The following PPM1F variants were observed in gnomAD, a reference collection of about 807,000 sequenced individuals.
PPM1F encodes protein phosphatase 1F.
A neutral mutation model predicts 35.5 loss-of-function variants in PPM1F; 17 were observed. That is an observed-to-expected ratio of 0.48 (90% CI 0.33 to 0.72). PPM1F has a LOEUF of 0.72. Among genes scored for constraint, PPM1F ranks in the 30% least tolerant of loss-of-function variants. The probability of loss-of-function intolerance (pLI) is 0.02; values close to 1 mark genes in which losing one functional copy is unlikely to be tolerated. For synonymous variants in PPM1F, 241 were observed against 255.5 expected, an observed-to-expected ratio of 0.94 and a Z score of 0.54; for missense variants, 521 against 613.0, an observed-to-expected ratio of 0.85 and a Z score of 1.59.
At chr22:21,928,931 G>A (rs1404303373) in intron 6 of PPM1F, among the ~76,000 whole-genome samples, 1 of 152,142 alleles carries the variant, frequency 6.6e-6, no homozygotes, top group African/African-American at 2.4e-5. Flanking sequence ...TTATCTCACT[G>A]CCTCAACAAA....
At chr22:21,952,701 TC>T (rs1285449884) in intron 1 of PPM1F, 90 bp downstream of exon 1, 1 of 152,454 alleles carries the variant, frequency 6.6e-6, no homozygotes, top group Non-Finnish European at 1.5e-5. Context: ...GGTTCCTCGG[TC>T]CCATTTCACC....
At chr22:21,929,224 AG>A (rs1300964332) in intron 6 of PPM1F, among the ~76,000 whole-genome samples, 1 of 152,128 alleles carries the variant, frequency 6.6e-6, no homozygotes, top group African/African-American at 2.4e-5. Context: ...TCACAGCAGG[AG>A]GGGCCAAGCC....
intron 2 of PPM1F, chr22:21,945,142 C>G (rs1253370465): frequency 1.3e-5 from 2 of 152,292 alleles, no homozygotes; most frequent in Non-Finnish European, 2.9e-5. Flanking sequence ...GCCCCAGCCC[C>G]CTGTGGCTCA....
chr22:21,938,479 T>C lies in PPM1F; in HGVS notation c.355+1053A>G, dbSNP rs1227523523. 4.5e-6 allele frequency: 5 copies of C among 1,109,492 alleles called. No homozygotes were observed. The East Asian group carries it at 4.7e-4, about 104-fold the overall frequency. 68.7% of individuals were successfully genotyped at this position (1,109,492 alleles called of 1,614,324 possible). Reference sequence around the variant, plus strand: ...CGAGGAGGAGAGCGCGGGCACCCACTGATGCTGGCGGCCTCGGGTATTCGC... The same window carrying C: ...CGAGGAGGAGAGCGCGGGCACCCACCGATGCTGGCGGCCTCGGGTATTCGC... On this transcript the variant is annotated intron_variant, in intron 3 of 7. Coordinates refer to ENST00000263212, the MANE Select transcript of PPM1F (RefSeq NM_014634.4).
chr22:21,934,416 T>C (rs904230722), intron 3 of PPM1F, 190 bp from the exon 4 acceptor site: 7 of 576,874 alleles, frequency 1.2e-5, no homozygotes, highest in Middle Eastern at 9.1e-4. Context: ...GTTTGGCAAC[T>C]TGCCCCTTGA....
At position 21,934,200 on chromosome 22, in the gene PPM1F, T is replaced by G; in HGVS notation, c.382A>C (p.Ser128Arg). Residue 128 changes from serine to arginine, a missense_variant, in exon 4 of 8, where the codon AGT becomes CGT. Physicochemically the swap from Ser to Arg is moderately radical, Grantham distance 110. This residue lies in a region of PPM1F where 311 missense variants were observed against 351.5 expected (regional missense o/e 0.88). Coordinates refer to ENST00000263212, the MANE Select transcript of PPM1F (RefSeq NM_014634.4). ...ACTTCCCAAAGGCGGTTAAAGAAAC[T>G]CTGTGCCAGGCTTTGGGCATCCAGC... ...TLLDAQSLAQ[S>R]FFNRLWEVAG... is the part of the protein sequence containing the mutation. 6.3e-7 allele frequency: 1 copy of G among 1,575,056 alleles called. No homozygotes were observed. The highest frequency in any genetic ancestry group is 8.6e-7 in the Non-Finnish European group (1 of 1,159,830).
At chr22:21,933,339 G>C in intron 5 of PPM1F, 52 bp downstream of exon 5, 1 of 1,527,294 alleles carries the variant, frequency 6.5e-7, no homozygotes, top group Non-Finnish European at 8.9e-7. Context: ...GCAGAGGCTG[G>C]GACTCTCACT....
chr22:21,939,885 C>T lies in PPM1F; in HGVS notation c.207-205G>A, dbSNP rs1012781015. Among the ~76,000 whole-genome samples the T allele has an allele frequency of 5.9e-5, 9 of 152,308 alleles. No homozygotes were observed. The highest frequency in any genetic ancestry group is 1.9e-4 in the East Asian group (1 of 5,180). On this transcript the variant is annotated intron_variant, in intron 2 of 7. Transcript: ENST00000263212. This position sits in a 1 kb window ranked among gnomAD's most constrained non-coding sequence, Gnocchi z 5.1. ...GGGAGCTGGACCATACTTGAGCCTG[C>T]GGCTAGTTGGGAGGGGGCTGTTGAT...
At chr22:21,926,346 C>A (rs1205578664) in intron 6 of PPM1F, among the ~76,000 whole-genome samples, 1 of 151,990 alleles carries the variant, frequency 6.6e-6, no homozygotes, top group African/African-American at 2.4e-5. Flanking sequence ...GTTGGCCAGA[C>A]TGGTCTCGAT....
chr22:21,923,479 G>A lies in PPM1F; in HGVS notation c.986-8C>T. 3 of 1,591,732 alleles carry A rather than the reference G, an allele frequency of 1.9e-6. No homozygotes were observed. Among genetic ancestry groups the A allele is most frequent in the Non-Finnish European group, 2.6e-6 (3 of 1,164,776 alleles). On this transcript the variant is annotated splice_polypyrimidine_tract_variant and splice_region_variant and intron_variant, in intron 7 of 7. Coordinates refer to ENST00000263212, the MANE Select transcript of PPM1F (RefSeq NM_014634.4). ...GCTTCTGGAAGACATCCCCTGGACA[G>A]GCGGAGAAGAGCCCGGGTCAGAGGA...
intron 3 of PPM1F, chr22:21,938,554 A>C (rs1449270666): frequency 9.4e-7 from 1 of 1,060,672 alleles, no homozygotes; most frequent in Non-Finnish European, 1.1e-6. Flanking sequence ...GCACGCATGC[A>C]CTAGTAATGC....
Position 21,939,456 on chromosome 22 carries a change from G to A in PPM1F, c.355+76C>T. ...AGCACCCTTAGGGACCCCAATCAATGGGCTTCCCACAATGTCGTCACCCTT... is the reference window on the plus strand; with the variant it reads ...AGCACCCTTAGGGACCCCAATCAATAGGCTTCCCACAATGTCGTCACCCTT... On this transcript the variant is annotated intron_variant, in intron 3 of 7. Transcript: ENST00000263212. The surrounding 1 kb of genome is among the most constrained non-coding windows in gnomAD (Gnocchi z 5.1). 1.3e-6 allele frequency: 2 copies of A among 1,571,684 alleles called. No individual in the cohort carries two copies. The highest frequency in any genetic ancestry group is 1.7e-6 in the Non-Finnish European group (2 of 1,154,822).
chr22:21,923,579 C>T (rs528445086), intron 7 of PPM1F, 108 bp from the exon 8 acceptor site: 4 of 1,255,490 alleles, frequency 3.2e-6, no homozygotes, highest in Admixed American at 2.6e-5. Flanking sequence ...GACCAACCTG[C>T]TCTCATGGGG....
chr22:21,933,042 T>C (rs62237483), intron 5 of PPM1F, among the ~76,000 whole-genome samples: 15,292 of 152,128 alleles, frequency 0.1, 859 homozygotes, highest in Non-Finnish European at 0.12. Context: ...GAACTGTGAG[T>C]AGTAGACTCT....
At chr22:21,936,795 G>A (rs2070665086) in intron 3 of PPM1F, 1 of 152,228 alleles carries the variant, frequency 6.6e-6, no homozygotes, top group East Asian at 1.9e-4. Flanking sequence ...CCACAACCCA[G>A]TAAGAGACCC....
At position 21,922,271 on chromosome 22, in the gene PPM1F, T is replaced by TAAA. The variant is rs1341515827; in HGVS notation, c.*820_*821insTTT. The TAAA allele has an allele frequency of 2.6e-5, 4 of 152,568 alleles. No homozygotes were observed. The highest frequency in any genetic ancestry group is 9.7e-5 in the African/African-American group (4 of 41,442). The allele number at this position is 152,568 out of a possible 1,614,324, so 9.5% of individuals were successfully genotyped here. On this transcript the variant is annotated 3_prime_UTR_variant, in exon 8 of 8. Transcript: ENST00000263212. ...AAATAGCTTTAAAAAAGTAAATACTTAAGTTTTCTAAAGAATAAAATAAAT... is the reference window on the plus strand; with the variant it reads ...AAATAGCTTTAAAAAAGTAAATACTTAAAAAGTTTTCTAAAGAATAAAATAAAT...
At chr22:21,944,863 C>A (rs902149597) in intron 2 of PPM1F, 1 of 152,290 alleles carries the variant, frequency 6.6e-6, no homozygotes, top group African/African-American at 2.4e-5. Flanking sequence ...ACACCCAACT[C>A]TCTATCTTCC....
chr22:21,923,317 G>C lies in PPM1F; in HGVS notation c.1140C>G (p.Thr380=). The change falls in exon 8 of 8, where the codon ACC becomes ACG. Residue 380 remains threonine, a synonymous_variant. Coordinates refer to ENST00000263212, the MANE Select transcript of PPM1F (RefSeq NM_014634.4). ...CACGGAGCCCGCTGCCCTGCTGCCT[G>C]GTCAGGTGGCTCTGGACCAGGCCAA... ...EVVGLVQSHL[T]RQQGSGLRVA... The C allele has an allele frequency of 6.2e-7, 1 of 1,613,650 alleles. No individual in the cohort carries two copies. Among genetic ancestry groups the C allele is most frequent in the Non-Finnish European group, 8.5e-7 (1 of 1,179,932 alleles).
Position 21,923,145 on chromosome 22 carries a change from C to A in PPM1F, c.1312G>T (p.Asp438Tyr). Residue 438 changes from aspartate (D) to tyrosine (Y), a missense_variant, in exon 8 of 8, where the codon GAC (aspartate) becomes TAC (tyrosine). Coordinates refer to ENST00000263212, the MANE Select transcript of PPM1F (RefSeq NM_014634.4). ...GGTTCTGGAAGGCTGGAGGGCAAGT[C>A]CTGCCTCCTCCCTTCTGCCTGGGGG... Reference protein sequence around the residue: ...GDPQAEGRRQDLPSSLPEPET... With the variant: ...GDPQAEGRRQYLPSSLPEPET... 6.2e-7 allele frequency: 1 copy of A among 1,613,526 alleles called. No homozygotes were observed. The highest frequency in any genetic ancestry group is 2.2e-5 in the East Asian group (1 of 44,864).
Sources: allele counts gnomAD v4.1 joint callset (sites outside exome capture counted in the v4.1 genomes callset), GRCh38; gene constraint gnomAD v4.1.1; regional missense constraint gnomAD v4.1.1; non-coding constraint Gnocchi (gnomAD v3.1); transcripts MANE v1.5; gene names NCBI Gene and HGNC (gene_info 2026-07-23, HGNC 2026-07-21).